The following TKTL1 variants were observed in gnomAD, a reference collection of about 807,000 sequenced individuals.
TKTL1 encodes transketolase-like protein 1.
A neutral mutation model predicts 39.3 loss-of-function variants in TKTL1; 1 was observed. The ratio of observed to expected loss-of-function variants is 0.03; its 90% CI spans 0.01 to 0.12. The LOEUF (loss-of-function observed/expected upper bound fraction) is 0.12. Among genes scored for constraint, TKTL1 ranks in the 10% least tolerant of loss-of-function variants. The pLI, the probability that TKTL1 is intolerant of heterozygous loss-of-function variation, is 1.00. For missense variants in TKTL1, 575 were observed against 509.6 expected (o/e 1.13, Z -1.24); for synonymous variants, 262 against 193.8 (o/e 1.35, Z -2.92).
intron 1 of TKTL1, among the ~76,000 whole-genome samples, chrX:154,301,977 AG>A (rs1372961545): frequency 9.2e-6 from 1 of 109,183 alleles, no homozygotes; most frequent in African/African-American, 3.3e-5. Flanking sequence ...AAAATCATTC[AG>A]CGTGGGCACT....
chrX:154,304,377 T>C (rs1488306940), intron 1 of TKTL1, among the ~76,000 whole-genome samples: 1 of 111,030 alleles, frequency 9.0e-6, no homozygotes, highest in Admixed American at 9.5e-5. Context: ...CCCAAAACCA[T>C]TCATCAGTCA....
At chrX:154,325,487 T>C (rs2067487117) in intron 10 of TKTL1, 65 bp downstream of exon 10, 1 of 931,258 alleles carries the variant, frequency 1.1e-6, no homozygotes, top group African/African-American at 1.9e-5. Flanking sequence ...CTTCTGAATC[T>C]ATCACCAGCT....
intron 11 of TKTL1, 26 bp from the exon 12 acceptor site, chrX:154,327,813 C>G: frequency 1.7e-6 from 2 of 1,211,011 alleles, no homozygotes; most frequent in African/African-American, 1.7e-5. Context: ...CTTTCTTGTA[C>G]CAAGCTGGTT....
At chrX:154,319,448 G>A in intron 7 of TKTL1, among the ~76,000 whole-genome samples, 2 of 111,961 alleles carry the variant, frequency 1.8e-5, no homozygotes, top group Non-Finnish European at 3.8e-5. Context: ...TGTTAAAAGA[G>A]ACAGTGGGAG....
At chrX:154,314,560 C>T (rs1047522642) in intron 6 of TKTL1, among the ~76,000 whole-genome samples, 12 of 110,875 alleles carry the variant, frequency 1.1e-4, no homozygotes, top group Non-Finnish European at 2.3e-4. Flanking sequence ...GAGTCTCGCT[C>T]AGTCACCCAG....
At chrX:154,306,110 C>CA (rs1373926827) in intron 2 of TKTL1, among the ~76,000 whole-genome samples, 1 of 108,286 alleles carries the variant, frequency 9.2e-6, no homozygotes, top group Non-Finnish European at 1.9e-5. Flanking sequence ...AGTCCGAGAC[C>CA]AGCCTGGTCA....
At chrX:154,322,318 G>C (rs1360439570) in intron 8 of TKTL1, among the ~76,000 whole-genome samples, 3 of 108,000 alleles carry the variant, frequency 2.8e-5, no homozygotes, top group Non-Finnish European at 1.9e-5. Context: ...GATCATCTGT[G>C]GTCAGGAGTT....
At position 154,320,860 on chromosome X, in the gene TKTL1, G is replaced by C. The variant is rs782327141; in HGVS notation, c.1133G>C (p.Gly378Ala). Residue 378 changes from glycine (G) to alanine (A), a missense_variant, in exon 8 of 13, where the codon GGC becomes GCC. By Grantham distance (60) the Gly-to-Ala change is moderately conservative (BLOSUM62 0). Coordinates refer to ENST00000369915, the MANE Select transcript of TKTL1 (RefSeq NM_012253.4). Reference protein sequence around the residue: ...TRAFDHIRIGGLAESNINIIG... With the variant: ...TRAFDHIRIGALAESNINIIG... The stretch of plus-strand genomic sequence containing the variant: ...GCATTTGATCACATCCGGATAGGAG[G>C]CCTCGCTGAGAGCAACATCAACATT... 3 of 1,209,503 alleles carry C rather than the reference G, an allele frequency of 2.5e-6. No homozygotes were observed. The African/African-American group carries it at 5.3e-5, about 21-fold the overall frequency.
At chrX:154,303,587 A>G (rs782585131) in intron 1 of TKTL1, among the ~76,000 whole-genome samples, 12 of 98,175 alleles carry the variant, frequency 1.2e-4, no homozygotes, top group East Asian at 3.2e-4. Flanking sequence ...TCCTCCTCAC[A>G]CCTCCTGCGT....
chrX:154,327,511 G>A, intron 10 of TKTL1, 80 bp from the exon 11 acceptor site: 1 of 845,101 alleles, frequency 1.2e-6, no homozygotes, highest in Non-Finnish European at 1.8e-6. Flanking sequence ...GGGGATAGCG[G>A]CATAGCAAAG....
intron 5 of TKTL1, 52 bp downstream of exon 5, chrX:154,311,290 C>T (rs782643702): frequency 1.7e-6 from 2 of 1,203,934 alleles, no homozygotes. Context: ...TCTGTCCGCT[C>T]AGCAGCAGAG....
At position 154,323,355 on chromosome X, in the gene TKTL1, C is replaced by T. The variant is rs781992874; in HGVS notation, c.1317+18C>T. 1.0e-4 allele frequency: 121 copies of T among 1,207,540 alleles called. No individual in the cohort carries two copies. Among genetic ancestry groups the T allele is most frequent in the Admixed American group, 1.3e-4 (6 of 45,562 alleles). ...ATGCCAAGGTATTTTTAAGGGGACACTAGTTTCAGACAGAAAATGCTTCTG... is the reference window on the plus strand; with the variant it reads ...ATGCCAAGGTATTTTTAAGGGGACATTAGTTTCAGACAGAAAATGCTTCTG... On this transcript the variant is annotated intron_variant, in intron 9 of 12. Coordinates refer to ENST00000369915, the MANE Select transcript of TKTL1 (RefSeq NM_012253.4).
intron 9 of TKTL1, among the ~76,000 whole-genome samples, chrX:154,324,199 T>C (rs1361105428): frequency 7.2e-5 from 8 of 111,216 alleles, no homozygotes; most frequent in African/African-American, 2.6e-4. Flanking sequence ...CAGGCTGGAG[T>C]GCAGTGGCAC....
In TKTL1 at chrX:154,318,316, A is replaced by G. The variant is rs150699880; in HGVS notation, c.1030-2441A>G. ...GATACTTTAATACTCAAATCATGCC[A>G]TTAATGATGACACTGGCTGGGCATA... On this transcript the variant is annotated intron_variant, in intron 7 of 12. Transcript: ENST00000369915. Among the ~76,000 whole-genome samples, 519 of 111,068 alleles carry G rather than the reference A, an allele frequency of 4.7e-3. 1 individual carries two copies. The highest frequency in any genetic ancestry group is 0.016 in the African/African-American group (503 of 30,527).
chrX:154,300,703 G>C (rs2067267058), intron 1 of TKTL1, among the ~76,000 whole-genome samples: 1 of 110,958 alleles, frequency 9.0e-6, no homozygotes, highest in Admixed American at 9.6e-5. Flanking sequence ...GTTTGTGTTT[G>C]TTTGTTTGCT....
intron 6 of TKTL1, 124 bp from the exon 7 acceptor site, chrX:154,315,049 C>T (rs189096087): frequency 2.0e-5 from 16 of 787,661 alleles, no homozygotes; most frequent in Admixed American, 2.0e-4. Flanking sequence ...TGGTGAGTCA[C>T]GAATTTACTT....
chrX:154,324,808 C>T (rs782530026), intron 9 of TKTL1, among the ~76,000 whole-genome samples: 1 of 111,843 alleles, frequency 8.9e-6, no homozygotes, highest in African/African-American at 3.3e-5. Flanking sequence ...TATAATGCAT[C>T]CATTAATATG....
At chrX:154,323,432 G>GAACCATAAA (rs2067468148) in intron 9 of TKTL1, 95 bp downstream of exon 9, 4 of 980,520 alleles carry the variant, frequency 4.1e-6, no homozygotes, top group East Asian at 3.1e-5. Context: ...CAACATAAAA[G>GAACCATAAA]TGATATTCAT....
intron 1 of TKTL1, among the ~76,000 whole-genome samples, chrX:154,302,660 G>T (rs191508231): frequency 3.9e-4 from 44 of 111,744 alleles, no homozygotes; most frequent in African/African-American, 1.3e-3. Flanking sequence ...TTCAGTCCAT[G>T]GCCTCCCGTA....
Sources: allele counts gnomAD v4.1 joint callset (sites outside exome capture counted in the v4.1 genomes callset), GRCh38; gene constraint gnomAD v4.1.1; transcripts MANE v1.5; gene names NCBI Gene and HGNC (gene_info 2026-07-23, HGNC 2026-07-21).